Variants in TMEM38B observed in about 807,000 individuals in gnomAD.
TMEM38B encodes transmembrane protein 38B.
In TMEM38B, 24 loss-of-function variants were observed where a neutral mutation model predicts 28.7. That is an observed-to-expected ratio of 0.84 (90% confidence interval 0.61 to 1.18). TMEM38B has a LOEUF of 1.18. Among genes scored for constraint, TMEM38B ranks in the 50% most tolerant of loss-of-function variants. The pLI is 0.00. For synonymous variants in TMEM38B, 131 were observed against 127.7 expected (o/e 1.03, Z -0.17); for missense variants, 380 against 350.9 (o/e 1.08, Z -0.66).
intron 2 of TMEM38B, among the ~76,000 whole-genome samples, 184 bp downstream of exon 2, chr9:105,705,937 G>C (rs900328710): frequency 3.5e-5 from 5 of 144,466 alleles, no homozygotes; most frequent in African/African-American, 1.0e-4. Context: ...GTCTCACTCT[G>C]TTGCCCAGGC....
At chr9:105,713,678 T>G (rs1316277371) in intron 2 of TMEM38B, among the ~76,000 whole-genome samples, 1 of 152,150 alleles carries the variant, frequency 6.6e-6, no homozygotes. Flanking sequence ...GGGTTCCCAG[T>G]GAAGCCCCAC....
intron 5 of TMEM38B, among the ~76,000 whole-genome samples, chr9:105,766,775 TACATGTGC>T (rs1263788982): frequency 1.6e-4 from 24 of 152,094 alleles, no homozygotes; most frequent in African/African-American, 5.8e-4. Context: ...AGTTCTGGGA[TACATGTGC>T]ACAATATACA....
chr9:105,703,075 T>A (rs1190819347), intron 1 of TMEM38B, among the ~76,000 whole-genome samples: 1 of 152,240 alleles, frequency 6.6e-6, no homozygotes, highest in African/African-American at 2.4e-5. Context: ...ATGTGACAAA[T>A]GTTGCTAAGA....
At chr9:105,735,111 A>C (rs1256315222) in intron 4 of TMEM38B, among the ~76,000 whole-genome samples, 1 of 152,118 alleles carries the variant, frequency 6.6e-6, no homozygotes, top group Non-Finnish European at 1.5e-5. Flanking sequence ...AGAATCTTTC[A>C]GTTAAAACAG....
At chr9:105,731,819 C>G (rs10115748) in intron 4 of TMEM38B, among the ~76,000 whole-genome samples, 31,091 of 152,030 alleles carry the variant, frequency 0.2, 5,136 homozygotes, top group East Asian at 0.47. Context: ...TAGGTATATA[C>G]CCAGTAATGG....
chr9:105,749,729 A>G (rs945033291), intron 5 of TMEM38B, among the ~76,000 whole-genome samples: 12 of 152,210 alleles, frequency 7.9e-5, no homozygotes, highest in Non-Finnish European at 1.6e-4. Context: ...ATTTTCCCCA[A>G]TACTTCCAGC....
intron 5 of TMEM38B, chr9:105,759,130 T>A: frequency 3.8e-6 from 3 of 780,222 alleles, no homozygotes; most frequent in Non-Finnish European, 7.1e-6. Flanking sequence ...CCAACTTATG[T>A]TGGATTTGAA....
chr9:105,734,610 G>T (rs1184366559), intron 4 of TMEM38B, among the ~76,000 whole-genome samples: 5 of 151,844 alleles, frequency 3.3e-5, no homozygotes, highest in Admixed American at 2.6e-4. Context: ...ATATTTAGTT[G>T]CTCCAATGTT....
In TMEM38B at chr9:105,733,630, A is replaced by G. The variant is rs116363904; in HGVS notation, c.542+11009A>G. Among the ~76,000 whole-genome samples, 1,292 of 151,668 alleles carry G rather than the reference A, an allele frequency of 8.5e-3. 17 individuals carry two copies. The highest frequency in any genetic ancestry group is 0.03 in the African/African-American group (1,220 of 41,280). Reference sequence around the variant, plus strand: ...TATTCCCTTGGGAGACTTTAAGTTTATATTCCAGTCTCTTTGTTTGTTATT... The same window carrying G: ...TATTCCCTTGGGAGACTTTAAGTTTGTATTCCAGTCTCTTTGTTTGTTATT... On this transcript the variant is annotated intron_variant, in intron 4 of 5. Transcript: ENST00000374692.
intron 4 of TMEM38B, among the ~76,000 whole-genome samples, chr9:105,735,923 G>A (rs1313929112): frequency 6.6e-6 from 1 of 152,170 alleles, no homozygotes; most frequent in Non-Finnish European, 1.5e-5. Context: ...CTGGAGTGCA[G>A]TGGCATGGAC....
At chr9:105,738,038 A>G (rs1052687687) in intron 4 of TMEM38B, among the ~76,000 whole-genome samples, 1 of 152,290 alleles carries the variant, frequency 6.6e-6, no homozygotes, top group East Asian at 1.9e-4. Context: ...ATGGAAGGGT[A>G]CAGTAGCTAT....
chr9:105,745,332 G>A (rs1837347503), intron 4 of TMEM38B, among the ~76,000 whole-genome samples: 2 of 152,188 alleles, frequency 1.3e-5, no homozygotes, highest in South Asian at 2.1e-4. Context: ...TTTCTCTGAT[G>A]GCCAGTGATG....
intron 2 of TMEM38B, among the ~76,000 whole-genome samples, chr9:105,708,367 G>A (rs1052917106): frequency 2.6e-5 from 4 of 152,110 alleles, no homozygotes; most frequent in Admixed American, 2.6e-4. Context: ...TGTAGGTTAT[G>A]TACAAATCCT....
intron 4 of TMEM38B, among the ~76,000 whole-genome samples, chr9:105,746,503 T>C (rs1837400300): frequency 2.0e-5 from 3 of 152,228 alleles, no homozygotes; most frequent in Admixed American, 6.5e-5. Flanking sequence ...TTTCTAAATA[T>C]ACAATCATGT....
intron 4 of TMEM38B, among the ~76,000 whole-genome samples, chr9:105,736,949 A>T (rs1354062694): frequency 2.0e-5 from 3 of 152,118 alleles, no homozygotes; most frequent in African/African-American, 7.2e-5. Flanking sequence ...AGTTGTTAGG[A>T]TCCTCAGTTG....
chr9:105,723,283 G>A (rs141851260), intron 4 of TMEM38B, among the ~76,000 whole-genome samples: 1 of 152,282 alleles, frequency 6.6e-6, no homozygotes, highest in African/African-American at 2.4e-5. Context: ...GTGCGATGGT[G>A]TAGTCATAGC....
chr9:105,721,024 G>A (rs2133576163), intron 2 of TMEM38B, among the ~76,000 whole-genome samples: 1 of 152,234 alleles, frequency 6.6e-6, no homozygotes, highest in Non-Finnish European at 1.5e-5. Context: ...CTCCTTGTGA[G>A]CCGTCATGTA....
chr9:105,704,578 C>G (rs911856653), intron 1 of TMEM38B, among the ~76,000 whole-genome samples: 3 of 151,102 alleles, frequency 2.0e-5, no homozygotes, highest in African/African-American at 7.3e-5. Flanking sequence ...GAGTAGCCCT[C>G]AGTTTGGGTT....
chr9:105,719,407 G>A (rs1836238705), intron 2 of TMEM38B, among the ~76,000 whole-genome samples: 1 of 152,040 alleles, frequency 6.6e-6, no homozygotes, highest in Non-Finnish European at 1.5e-5. Context: ...TTTACAGAAG[G>A]GTTACAAGGT....
Sources: allele counts gnomAD v4.1 joint callset (sites outside exome capture counted in the v4.1 genomes callset), GRCh38; gene constraint gnomAD v4.1.1; transcripts MANE v1.5; gene names NCBI Gene and HGNC (gene_info 2026-07-23, HGNC 2026-07-21).